ARB2A: variants seen among roughly 807,000 people sequenced by gnomAD.
ARB2A encodes ARB2 cotranscriptional regulator A, also known as cotranscriptional regulator ARB2A.
the ARB2A span, among the ~76,000 whole-genome samples, chr5:94,010,608 T>C: frequency 6.6e-6 from 1 of 152,122 alleles, no homozygotes; most frequent in African/African-American, 2.4e-5. Flanking sequence ...CTTGAAGGGA[T>C]CTCTAAACTG....
chr5:93,730,677 A>T, the ARB2A span, among the ~76,000 whole-genome samples: 1 of 152,174 alleles, frequency 6.6e-6, no homozygotes, highest in Non-Finnish European at 1.5e-5. Context: ...TGTTCAGTAC[A>T]TTAGCTTGAT....
chr5:93,741,891 T>A, the ARB2A span, among the ~76,000 whole-genome samples: 1 of 95,734 alleles, frequency 1.0e-5, no homozygotes. Flanking sequence ...TATTTTCTTA[T>A]GCCTGTTCAG....
chr5:93,970,113 G>A, the ARB2A span, among the ~76,000 whole-genome samples: 49 of 152,042 alleles, frequency 3.2e-4, no homozygotes, highest in East Asian at 6.6e-3. Context: ...ATTGATTCAC[G>A]CAATAACAAC....
At chr5:94,100,525 C>T in the ARB2A span, among the ~76,000 whole-genome samples, 5 of 152,118 alleles carry the variant, frequency 3.3e-5, no homozygotes, top group South Asian at 4.2e-4. Context: ...TCATGTTACC[C>T]GACCTCAAAC....
the ARB2A span, among the ~76,000 whole-genome samples, chr5:94,047,929 C>T: frequency 1.3e-5 from 2 of 152,012 alleles, no homozygotes; most frequent in South Asian, 4.1e-4. Flanking sequence ...AGTAAATAAA[C>T]AGTCCCATTT....
chr5:94,090,042 A>G, the ARB2A span, among the ~76,000 whole-genome samples: 1 of 152,212 alleles, frequency 6.6e-6, no homozygotes, highest in Non-Finnish European at 1.5e-5. Context: ...AAGAACTAAA[A>G]TATAAAAACT....
chr5:93,922,577 C>T, the ARB2A span, among the ~76,000 whole-genome samples: 10 of 124,524 alleles, frequency 8.0e-5, no homozygotes, highest in African/African-American at 2.4e-4. Flanking sequence ...AAGGAAAGAA[C>T]GAAGGGAAGG....
the ARB2A span, among the ~76,000 whole-genome samples, chr5:93,791,165 C>T: frequency 8.3e-4 from 127 of 152,210 alleles, no homozygotes; most frequent in African/African-American, 2.6e-3. Flanking sequence ...GATTTGGTTT[C>T]GATTAAATAT....
the ARB2A span, among the ~76,000 whole-genome samples, chr5:94,092,986 TA>T: frequency 3.3e-5 from 5 of 152,180 alleles, no homozygotes; most frequent in African/African-American, 1.2e-4. Flanking sequence ...TTTCTAAATA[TA>T]GGGGGAAAAC....
At chr5:93,949,731 G>T in the ARB2A span, among the ~76,000 whole-genome samples, 1 of 151,846 alleles carries the variant, frequency 6.6e-6, no homozygotes, top group East Asian at 1.9e-4. Context: ...CCAAATACAA[G>T]ATCTTACTCA....
At chr5:93,955,408 A>G in the ARB2A span, among the ~76,000 whole-genome samples, 2 of 152,228 alleles carry the variant, frequency 1.3e-5, no homozygotes, top group Admixed American at 1.3e-4. Context: ...AATTACATTA[A>G]TAAAAATAGC....
chr5:94,104,729 G>T, the ARB2A span, among the ~76,000 whole-genome samples: 1 of 152,022 alleles, frequency 6.6e-6, no homozygotes, highest in Admixed American at 6.6e-5. Context: ...TATCCCTGAT[G>T]AATATAGATG....
chr5:94,077,329 C>A, the ARB2A span, among the ~76,000 whole-genome samples: 2 of 150,962 alleles, frequency 1.3e-5, no homozygotes, highest in Non-Finnish European at 2.9e-5. Context: ...GCCAAGATCA[C>A]ACCACTGCAC....
chr5:94,101,145 G>A, the ARB2A span, among the ~76,000 whole-genome samples: 1 of 152,022 alleles, frequency 6.6e-6, no homozygotes, highest in African/African-American at 2.4e-5. Flanking sequence ...GTAAACAAAA[G>A]ACATGAACAG....
At chr5:93,683,819 GT>G in the ARB2A span, among the ~76,000 whole-genome samples, 8 of 149,054 alleles carry the variant, frequency 5.4e-5, no homozygotes, top group Admixed American at 2.0e-4. Flanking sequence ...CAGGCAAAAA[GT>G]TTTTTTTTTA....
At chr5:93,874,009 A>T in the ARB2A span, among the ~76,000 whole-genome samples, 3 of 152,222 alleles carry the variant, frequency 2.0e-5, no homozygotes, top group African/African-American at 7.2e-5. Context: ...GGGGGAATAT[A>T]TCTGGAAGTC....
the ARB2A span, among the ~76,000 whole-genome samples, chr5:93,710,046 G>T: frequency 5.3e-5 from 8 of 152,246 alleles, no homozygotes; most frequent in East Asian, 1.4e-3. Context: ...CTAATTCAGT[G>T]CATTTTCCAG....
At chr5:93,946,254 C>T in the ARB2A span, among the ~76,000 whole-genome samples, 1 of 151,848 alleles carries the variant, frequency 6.6e-6, no homozygotes, top group Admixed American at 6.6e-5. Flanking sequence ...TAAAGTGAAA[C>T]CCAGGATAAT....
chr5:93,718,108 A>G, the ARB2A span, among the ~76,000 whole-genome samples: 1 of 151,606 alleles, frequency 6.6e-6, no homozygotes. Flanking sequence ...CTGGGACAGG[A>G]GTGAACCACC....
Sources: gnomAD v4.1 joint callset for allele counts (sites outside exome capture counted in the v4.1 genomes callset) on GRCh38, gnomAD v4.1.1 for gene constraint, MANE v1.5 for transcripts, NCBI Gene and HGNC (gene_info 2026-07-23, HGNC 2026-07-21) for gene names.